Variants in TTLL8 observed in about 807,000 individuals in gnomAD.
The protein encoded by TTLL8 is protein monoglycylase TTLL8.
A neutral mutation model predicts 77.8 loss-of-function variants in TTLL8; 65 were observed. The observed-to-expected ratio is 0.84, with a 90% CI of 0.68 to 1.03. The LOEUF (loss-of-function observed/expected upper bound fraction) is 1.03, where lower values mean the gene tolerates loss of function less well. Among genes scored for constraint, TTLL8 ranks in the 50% least tolerant of loss-of-function variants. The probability of loss-of-function intolerance (pLI) is 0.00; values close to 1 mark genes in which losing one functional copy is unlikely to be tolerated. For synonymous variants in TTLL8, 402 were observed against 422.8 expected (o/e 0.95, Z 0.60); for missense variants, 910 against 1,004.5 (o/e 0.91, Z 1.27).
chr22:50,049,164 A>G, intron 3 of TTLL8, 85 bp downstream of exon 5: 8 of 1,355,682 alleles, frequency 5.9e-6, no homozygotes, highest in East Asian at 4.6e-5. Flanking sequence ...CCCCCAGGAC[A>G]TGGGAGAGTG....
At chr22:50,032,876 C>T (rs996742184) in intron 10 of TTLL8, among the ~76,000 whole-genome samples, 39 of 152,344 alleles carry the variant, frequency 2.6e-4, no homozygotes, top group East Asian at 1.4e-3. Context: ...CCCCACAGGC[C>T]GCCTCCCCTG....
intron 12 of TTLL8, among the ~76,000 whole-genome samples, chr22:50,024,326 T>C (rs899959037): frequency 1.3e-5 from 2 of 152,034 alleles, no homozygotes; most frequent in Non-Finnish European, 2.9e-5. Flanking sequence ...AGTTTCGCCA[T>C]GTTGGTCAGG....
intron 1 of TTLL8, among the ~76,000 whole-genome samples, chr22:50,053,561 C>T (rs2061455386): frequency 1.3e-5 from 2 of 152,110 alleles, no homozygotes; most frequent in African/African-American, 4.8e-5. Context: ...AACTTTAAAA[C>T]ATTTATGTTT....
Position 50,041,873 on chromosome 22 carries a change from G to T in TTLL8, c.644-66C>A. On this transcript the variant is annotated intron_variant, in intron 6 of 13. Transcript: ENST00000266182. The surrounding 1 kb of genome is among the most constrained non-coding windows in gnomAD (Gnocchi z 4.3). ...CAGGGGCAGCCCTGCCCGCCTCGAGGGGTGATGTCTAAAGTCATGGACAAA... is the reference window on the plus strand; with the variant it reads ...CAGGGGCAGCCCTGCCCGCCTCGAGTGGTGATGTCTAAAGTCATGGACAAA... 1 of 1,274,048 alleles carries T rather than the reference G, an allele frequency of 7.8e-7. No homozygotes were observed. 78.9% of individuals were successfully genotyped at this position (1,274,048 alleles called of 1,614,324 possible).
chr22:50,034,597 G>A lies in TTLL8; in HGVS notation c.922-135C>T. On this transcript the variant is annotated intron_variant, in intron 8 of 13. Coordinates refer to ENST00000266182, the Ensembl canonical transcript of TTLL8. This position sits in a 1 kb window ranked among gnomAD's most constrained non-coding sequence, Gnocchi z 4.1. The stretch of plus-strand genomic sequence containing the variant: ...GGCGCTCGGCTCTAGGATGGTCTGG[G>A]GCTGGCCTGGCGGGAAAGGGCTGCG... The A allele has an allele frequency of 1.0e-6, 1 of 952,400 alleles. No homozygotes were observed. Among genetic ancestry groups the A allele is most frequent in the Non-Finnish European group, 1.4e-6 (1 of 712,152 alleles). The allele number at this position is 952,400 out of a possible 1,614,324, so 59.0% of individuals were successfully genotyped here.
At chr22:50,030,792 A>C in exon 12 of TTLL8, 1 of 1,349,208 alleles carries the variant, frequency 7.4e-7, no homozygotes, top group Non-Finnish European at 9.9e-7. Context: ...CCGTGCCTTC[A>C]GCGGCTGCGC....
intron 6 of TTLL8, among the ~76,000 whole-genome samples, chr22:50,043,924 T>C (rs1046970195): frequency 6.6e-6 from 1 of 152,154 alleles, no homozygotes; most frequent in Non-Finnish European, 1.5e-5. Context: ...CTCTGTCTGA[T>C]ACTGGAATGG....
intron 10 of TTLL8, among the ~76,000 whole-genome samples, 196 bp from the exon 12 acceptor site, chr22:50,032,305 C>A (rs113482152): frequency 2.0e-5 from 3 of 152,326 alleles, no homozygotes; most frequent in Admixed American, 6.5e-5. Flanking sequence ...CTCAGAGAGG[C>A]CATGGGATTG....
chr22:50,037,153 G>A (rs966001641), intron 8 of TTLL8, among the ~76,000 whole-genome samples: 7 of 152,126 alleles, frequency 4.6e-5, no homozygotes, highest in African/African-American at 7.2e-5. Flanking sequence ...TCCCCTAGCC[G>A]TGTGCTAGAG....
At chr22:50,032,108 C>A in exon 11 of TTLL8, 1 of 1,356,310 alleles carries the variant, frequency 7.4e-7, no homozygotes, top group South Asian at 1.1e-5. Flanking sequence ...AGGTGGATGG[C>A]GCTGCAGGGG....
In TTLL8 at chr22:50,041,588, C is replaced by A; in HGVS notation, c.830+33G>T. Reference sequence around the variant, plus strand: ...GCTCCTGCAATCTGCACTCACAGCTCCGACATGTGCCAGGGGCCTGCGTAA... The same window carrying A: ...GCTCCTGCAATCTGCACTCACAGCTACGACATGTGCCAGGGGCCTGCGTAA... On this transcript the variant is annotated intron_variant, in intron 7 of 13. Coordinates refer to ENST00000266182, the Ensembl canonical transcript of TTLL8. This position sits in a 1 kb window ranked among gnomAD's most constrained non-coding sequence, Gnocchi z 4.3. 1 of 1,315,992 alleles carries A rather than the reference C, an allele frequency of 7.6e-7. No individual in the cohort carries two copies. Among genetic ancestry groups the A allele is most frequent in the Non-Finnish European group, 1.0e-6 (1 of 995,646 alleles). The allele number at this position is 1,315,992 out of a possible 1,614,324, so 81.5% of individuals were successfully genotyped here. A position where few individuals can be genotyped will look rare whatever the true frequency, so the allele number is the denominator to read the frequency against.
At chr22:50,037,607 C>CCACTGTT (rs1256663151) in intron 8 of TTLL8, among the ~76,000 whole-genome samples, 1 of 152,050 alleles carries the variant, frequency 6.6e-6, no homozygotes, top group Non-Finnish European at 1.5e-5. Context: ...GTATGGCTGA[C>CCACTGTT]CACTGTTTAA....
chr22:50,025,923 G>A (rs1465764753), intron 12 of TTLL8, among the ~76,000 whole-genome samples: 3 of 152,202 alleles, frequency 2.0e-5, no homozygotes, highest in Non-Finnish European at 4.4e-5. Flanking sequence ...GGACTCTCAC[G>A]TGGCAGGTGG....
intron 8 of TTLL8, among the ~76,000 whole-genome samples, chr22:50,037,620 A>G (rs943455671): frequency 2.0e-5 from 3 of 152,196 alleles, no homozygotes; most frequent in Non-Finnish European, 4.4e-5. Context: ...CTGTTTAAGC[A>G]TCATTTAGTG....
At chr22:50,030,215 C>T (rs2061276499) in intron 12 of TTLL8, 1 of 985,378 alleles carries the variant, frequency 1.0e-6, no homozygotes, top group Non-Finnish European at 1.2e-6. Context: ...GGCACTCCCA[C>T]GCCCCCCACC....
intron 1 of TTLL8, among the ~76,000 whole-genome samples, chr22:50,053,869 C>T (rs1377919503): frequency 6.6e-6 from 1 of 152,160 alleles, no homozygotes; most frequent in Non-Finnish European, 1.5e-5. Flanking sequence ...TATTTGTACA[C>T]GTTCTGCTCT....
chr22:50,055,223 G>A, upstream of TTLL8: 1 of 1,287,826 alleles, frequency 7.8e-7, no homozygotes, highest in Non-Finnish European at 1.0e-6. Context: ...CGAGTCCCAA[G>A]GAGCATTTAC....
chr22:50,036,597 CTTTTCT>C (rs2061338506), intron 8 of TTLL8, among the ~76,000 whole-genome samples: 3 of 148,808 alleles, frequency 2.0e-5, no homozygotes, highest in South Asian at 2.1e-4. Context: ...TCTTTCTTTT[CTTTTCT>C]TTTTTTTTTT....
At chr22:50,049,407 G>A in intron 2 of TTLL8, 85 bp from the exon 5 acceptor site, 2 of 1,326,302 alleles carry the variant, frequency 1.5e-6, no homozygotes, top group Non-Finnish European at 1.0e-6. Flanking sequence ...CCGCAGGCAG[G>A]ACAGCGACTT....
Sources: gnomAD v4.1 joint callset for allele counts (sites outside exome capture counted in the v4.1 genomes callset) on GRCh38, gnomAD v4.1.1 for gene constraint, Gnocchi (gnomAD v3.1) non-coding constraint, MANE v1.5 for transcripts, NCBI Gene and HGNC (gene_info 2026-07-23, HGNC 2026-07-21) for gene names.